The following KDM4A variants were observed in gnomAD, a reference collection of about 807,000 sequenced individuals.
KDM4A encodes lysine-specific demethylase 4A.
In KDM4A, 23 loss-of-function variants were observed where a neutral mutation model predicts 127.1. The observed-to-expected ratio is 0.18, with a 90% CI of 0.13 to 0.26. The LOEUF is 0.26. Ranked by LOEUF, KDM4A falls within the 10% of genes least tolerant of loss-of-function variation. The pLI, the probability that KDM4A is intolerant of heterozygous loss-of-function variation, is 1.00. For synonymous variants in KDM4A, 443 were observed against 466.5 expected, an observed-to-expected ratio of 0.95 and a Z score of 0.65; for missense variants, 890 against 1,329.1, an observed-to-expected ratio of 0.67 and a Z score of 5.14.
intron 10 of KDM4A, 76 bp from the exon 11 acceptor site, chr1:43,671,429 C>T: frequency 6.9e-7 from 1 of 1,459,622 alleles, no homozygotes; most frequent in Non-Finnish European, 9.1e-7. Context: ...GTTCCTTGTG[C>T]TTTGCCCTCT....
At chr1:43,663,768 C>T (rs1360768936) in intron 5 of KDM4A, among the ~76,000 whole-genome samples, 2 of 152,032 alleles carry the variant, frequency 1.3e-5, no homozygotes, top group East Asian at 1.9e-4. Flanking sequence ...GGTTTACAGG[C>T]GTGCACCACT....
chr1:43,678,640 T>C (rs2154047811), intron 11 of KDM4A, among the ~76,000 whole-genome samples: 1 of 148,892 alleles, frequency 6.7e-6, no homozygotes, highest in East Asian at 2.0e-4. Flanking sequence ...CAGGCTGGAG[T>C]GCAGTGGTGC....
intron 5 of KDM4A, among the ~76,000 whole-genome samples, chr1:43,664,375 T>C (rs924111958): frequency 1.4e-4 from 22 of 152,028 alleles, no homozygotes; most frequent in African/African-American, 5.3e-4. Context: ...GAGACCAGCC[T>C]GGCCAACATG....
intron 10 of KDM4A, among the ~76,000 whole-genome samples, 192 bp downstream of exon 10, chr1:43,669,491 C>T (rs897965972): frequency 1.3e-5 from 2 of 152,022 alleles, no homozygotes; most frequent in Admixed American, 1.3e-4. Context: ...GGAAAAGCTC[C>T]TCCCTCTGCC....
chr1:43,697,906 G>C lies in KDM4A; in HGVS notation c.2734G>C (p.Gly912Arg). ...GQKVISKHKNGRFYQCEVVRL... is the reference protein window; with the variant it reads ...GQKVISKHKNRRFYQCEVVRL... ...GAAAGTCATTAGCAAGCATAAGAAC[G>C]GGCGCTTCTACCAGTGTGAAGTGGT... Residue 912 changes from glycine to arginine, a missense_variant, in exon 19 of 22, where the codon GGG becomes CGG. Around this residue, in one of 7 missense-constraint regions of KDM4A, gnomAD observed 246 missense variants for 418.4 expected, o/e 0.59. Transcript: ENST00000372396. 1 of 1,613,620 alleles carries C rather than the reference G, an allele frequency of 6.2e-7. No homozygotes were observed. Among genetic ancestry groups the C allele is most frequent in the Non-Finnish European group, 8.5e-7 (1 of 1,179,958 alleles).
intron 19 of KDM4A, among the ~76,000 whole-genome samples, chr1:43,699,223 G>A (rs1661321907): frequency 6.6e-6 from 1 of 151,894 alleles, no homozygotes; most frequent in African/African-American, 2.4e-5. Context: ...AGCTTCCCAG[G>A]TAGCTGGGAC....
In KDM4A at chr1:43,694,886, A is replaced by C. The variant is rs776155058; in HGVS notation, c.2662A>C (p.Asn888His). 3 of 1,593,066 alleles carry C rather than the reference A, an allele frequency of 1.9e-6. No homozygotes were observed. The highest frequency in any genetic ancestry group is 2.6e-6 in the Non-Finnish European group (3 of 1,162,242). ...FITCFRHKIPNLERAKGALQS... is the reference protein window; with the variant it reads ...FITCFRHKIPHLERAKGALQS... Reference sequence around the variant, plus strand: ...TACCTGCTTTCGGCACAAGATTCCTAATTTGGAGGTGAGAGAGGGTGTCAT... The same window carrying C: ...TACCTGCTTTCGGCACAAGATTCCTCATTTGGAGGTGAGAGAGGGTGTCAT... Residue 888 changes from asparagine to histidine, a missense_variant, in exon 18 of 22, where the codon AAT becomes CAT. Physicochemically the swap from Asn to His is moderately conservative, Grantham distance 68. Coordinates refer to ENST00000372396, the MANE Select transcript of KDM4A (RefSeq NM_014663.3). This position sits in a 1 kb window ranked among gnomAD's most constrained non-coding sequence, Gnocchi z 5.2.
intron 6 of KDM4A, 80 bp downstream of exon 6, chr1:43,665,825 C>T: frequency 1.4e-6 from 2 of 1,443,726 alleles, no homozygotes; most frequent in Non-Finnish European, 9.7e-7. Context: ...GTGCGTTCCC[C>T]ATGGTCAGAT....
chr1:43,689,116 C>G, intron 13 of KDM4A, 21 bp downstream of exon 13: 1 of 1,610,038 alleles, frequency 6.2e-7, no homozygotes, highest in Non-Finnish European at 8.5e-7. Flanking sequence ...TCCATGCACT[C>G]TGTTTACCCA....
At chr1:43,682,131 A>T (rs1003922657) in intron 11 of KDM4A, among the ~76,000 whole-genome samples, 2 of 151,912 alleles carry the variant, frequency 1.3e-5, no homozygotes, top group Non-Finnish European at 2.9e-5. Flanking sequence ...ACCACACCTG[A>T]ATTTTTTTGT....
chr1:43,695,512 G>A (rs1439441524), intron 18 of KDM4A, among the ~76,000 whole-genome samples: 1 of 152,220 alleles, frequency 6.6e-6, no homozygotes, highest in Non-Finnish European at 1.5e-5. Context: ...GGAGTGTGAC[G>A]GTGTGTGGGA....
intron 8 of KDM4A, 124 bp downstream of exon 8, chr1:43,667,215 A>G (rs1024256819): frequency 1.7e-5 from 18 of 1,063,460 alleles, no homozygotes; most frequent in African/African-American, 7.9e-5. Flanking sequence ...GCAGCTAGCA[A>G]TGTGTCAGAG....
chr1:43,691,642 T>G, intron 15 of KDM4A, 70 bp downstream of exon 15: 1 of 1,340,886 alleles, frequency 7.5e-7, no homozygotes, highest in East Asian at 2.3e-5. Context: ...GACGATTTCA[T>G]GTTGGACTCA....
At chr1:43,660,461 T>TA in intron 4 of KDM4A, 49 bp downstream of exon 4, 3 of 1,546,176 alleles carry the variant, frequency 1.9e-6, no homozygotes, top group Non-Finnish European at 2.6e-6. Flanking sequence ...AATTTTGTAA[T>TA]ACCTTTTTTT....
intron 11 of KDM4A, among the ~76,000 whole-genome samples, chr1:43,680,060 T>C (rs1316712054): frequency 2.0e-5 from 3 of 152,286 alleles, no homozygotes; most frequent in Middle Eastern, 3.4e-3. Context: ...TGAGGGAATT[T>C]AGAAACTGGA....
intron 5 of KDM4A, 112 bp from the exon 6 acceptor site, chr1:43,665,584 G>T: frequency 1.2e-6 from 1 of 869,128 alleles, no homozygotes; most frequent in Non-Finnish European, 1.9e-6. Context: ...TCTACTGCTT[G>T]GGAAGTTAAA....
At chr1:43,654,651 T>G (rs1332340477) in intron 2 of KDM4A, among the ~76,000 whole-genome samples, 1 of 151,964 alleles carries the variant, frequency 6.6e-6, no homozygotes, top group Non-Finnish European at 1.5e-5. Context: ...TTGCTCCCTT[T>G]CCGTATTTTC....
chr1:43,660,161 G>A (rs1483524958), intron 3 of KDM4A, 137 bp from the exon 4 acceptor site: 1 of 921,048 alleles, frequency 1.1e-6, no homozygotes, highest in Non-Finnish European at 1.7e-6. Context: ...ACGTATTAGA[G>A]CCTTGAAGGC....
chr1:43,677,415 G>C (rs923853823), intron 11 of KDM4A, among the ~76,000 whole-genome samples: 2 of 149,842 alleles, frequency 1.3e-5, no homozygotes, highest in Non-Finnish European at 3.0e-5. Context: ...TTATACCTAA[G>C]AAAACTACAA....
Sources: allele counts gnomAD v4.1 joint callset (sites outside exome capture counted in the v4.1 genomes callset), GRCh38; gene constraint gnomAD v4.1.1; regional missense constraint gnomAD v4.1.1; non-coding constraint Gnocchi (gnomAD v3.1); transcripts MANE v1.5; gene names NCBI Gene and HGNC (gene_info 2026-07-23, HGNC 2026-07-21).